The following NRXN1 variants were observed in gnomAD, a reference collection of about 807,000 sequenced individuals.
The protein encoded by NRXN1 is neurexin-1.
Under a neutral mutation model 150.9 loss-of-function variants are expected in NRXN1, and 39 were observed. The ratio of observed to expected loss-of-function variants is 0.26; its 90% confidence interval spans 0.20 to 0.34. The LOEUF (loss-of-function observed/expected upper bound fraction) is 0.34. NRXN1 is among the 10% of genes least tolerant of loss of function. NRXN1 has a pLI of 1.00. For missense variants in NRXN1, 1,815 were observed against 1,949.9 expected (o/e 0.93, Z 1.30); for synonymous variants, 924 against 757.0 (o/e 1.22, Z -3.62).
intron 19 of NRXN1, among the ~76,000 whole-genome samples, chr2:50,071,939 T>C (rs1180268126): frequency 9.9e-5 from 15 of 152,222 alleles, no homozygotes; most frequent in Non-Finnish European, 1.5e-5. Flanking sequence ...CTGCAAATTG[T>C]AATATTCTAC....
intron 5 of NRXN1, among the ~76,000 whole-genome samples, chr2:50,689,854 TTGTGTGTGTGTGTGTGTGTGTG>T (rs796892350): frequency 1.3e-4 from 17 of 135,290 alleles, no homozygotes; most frequent in African/African-American, 4.1e-4. Context: ...TTTTGCTTAT[TTGTGTGTGTGTGTGTGTGTGTG>T]TGTGTGTGTG....
intron 5 of NRXN1, among the ~76,000 whole-genome samples, chr2:50,647,947 C>T (rs1685063800): frequency 6.6e-6 from 1 of 151,758 alleles, no homozygotes; most frequent in Non-Finnish European, 1.5e-5. Flanking sequence ...CATATATACA[C>T]ACATACAAAT....
intron 9 of NRXN1, among the ~76,000 whole-genome samples, chr2:50,541,914 T>A (rs972315942): frequency 1.3e-5 from 2 of 152,154 alleles, no homozygotes; most frequent in African/African-American, 4.8e-5. Context: ...ATTTAAGGGT[T>A]ACTATCATAA....
intron 5 of NRXN1, among the ~76,000 whole-genome samples, chr2:50,874,869 T>C (rs1678338280): frequency 6.6e-6 from 1 of 151,834 alleles, no homozygotes; most frequent in South Asian, 2.1e-4. Flanking sequence ...TGGGAATTCC[T>C]GTCAAATGTA....
chr2:50,307,108 C>A (rs1019480992), intron 17 of NRXN1, among the ~76,000 whole-genome samples: 1 of 152,104 alleles, frequency 6.6e-6, no homozygotes, highest in Non-Finnish European at 1.5e-5. Context: ...CCTCAGCCTC[C>A]TGAGCATCTG....
chr2:50,391,504 C>A (rs2081697487), intron 17 of NRXN1, among the ~76,000 whole-genome samples: 1 of 152,054 alleles, frequency 6.6e-6, no homozygotes, highest in Non-Finnish European at 1.5e-5. Flanking sequence ...AAAAGCAACC[C>A]TCTTAAAATA....
At chr2:50,036,079 G>A (rs1172887786) in intron 21 of NRXN1, among the ~76,000 whole-genome samples, 2 of 152,154 alleles carry the variant, frequency 1.3e-5, no homozygotes, top group African/African-American at 4.8e-5. Context: ...AGTATGATAT[G>A]GCTTGGTTGT....
chr2:50,245,991 C>T lies in NRXN1; in HGVS notation c.3365-9021G>A, dbSNP rs569662420. ...TTATTTAGAAAAATAAATTATAATT[C>T]ACAAATCAAGGTCTCATTTCAATCA... is the stretch of plus-strand genomic sequence containing the variant. On this transcript the variant is annotated intron_variant, in intron 17 of 22. Coordinates refer to ENST00000401669, the MANE Select transcript of NRXN1 (RefSeq NM_001330078.2). 1.1e-4 allele frequency among the ~76,000 whole-genome samples: 17 copies of T among 151,796 alleles called. No homozygotes were observed. The East Asian group carries it at 3.3e-3, about 29-fold the overall frequency.
chr2:50,145,681 C>T (rs1707911754), intron 18 of NRXN1, among the ~76,000 whole-genome samples: 1 of 151,568 alleles, frequency 6.6e-6, no homozygotes, highest in African/African-American at 2.4e-5. Flanking sequence ...TGTGACAACT[C>T]CCATTCATCT....
chr2:50,213,842 G>A (rs1307636431), intron 18 of NRXN1, among the ~76,000 whole-genome samples: 2 of 151,772 alleles, frequency 1.3e-5, no homozygotes, highest in Admixed American at 6.6e-5. Flanking sequence ...TAAAAAGTGT[G>A]ACAAGCAGAG....
chr2:50,373,668 AAGAAAG>A (rs1309151925), intron 17 of NRXN1, among the ~76,000 whole-genome samples: 1 of 110,520 alleles, frequency 9.0e-6, no homozygotes, highest in Non-Finnish European at 1.8e-5. Context: ...GAAAGAAAGA[AAGAAAG>A]AAAGAAAAGA....
intron 18 of NRXN1, among the ~76,000 whole-genome samples, chr2:50,235,233 A>T (rs1187193041): frequency 6.6e-6 from 1 of 152,112 alleles, no homozygotes; most frequent in Non-Finnish European, 1.5e-5. Context: ...CTTACTCTAA[A>T]CAGCAAGATT....
chr2:50,929,755 C>T (rs1288202892), intron 2 of NRXN1, among the ~76,000 whole-genome samples: 1 of 152,090 alleles, frequency 6.6e-6, no homozygotes, highest in Non-Finnish European at 1.5e-5. Context: ...CAAGCCTGTA[C>T]TCCTCATTTT....
intron 12 of NRXN1, among the ~76,000 whole-genome samples, chr2:50,509,494 T>C (rs752319549): frequency 2.0e-5 from 3 of 152,138 alleles, no homozygotes; most frequent in Non-Finnish European, 4.4e-5. Context: ...AATCAGCAAT[T>C]TGCTAACACA....
In NRXN1 at chr2:50,547,298, A is replaced by AAAATAAAT. The variant is rs34901935; in HGVS notation, c.1759+5281_1759+5288dup. On this transcript the variant is annotated intron_variant, in intron 9 of 22. Transcript: ENST00000401669. Reference sequence around the variant, plus strand: ...ATTTCAATGTGTAATGATGGTTTACAAAATAAATAAATAAATAAATAAAAT... The same window carrying AAAATAAAT: ...ATTTCAATGTGTAATGATGGTTTACAAAATAAATAAATAAATAAATAAATAAATAAAAT... 6.7e-3 allele frequency among the ~76,000 whole-genome samples: 1,011 copies of AAAATAAAT among 151,026 alleles called. 11 individuals carry two copies. Among genetic ancestry groups the AAAATAAAT allele is most frequent in the African/African-American group, 0.023 (936 of 40,966 alleles).
chr2:50,141,260 A>G (rs1707233650), intron 18 of NRXN1, among the ~76,000 whole-genome samples: 1 of 152,094 alleles, frequency 6.6e-6, no homozygotes, highest in South Asian at 2.1e-4. Flanking sequence ...ATCTATATGC[A>G]GAAGAATTAC....
In NRXN1 at chr2:51,028,234, G is replaced by T. The variant is rs1670928980; in HGVS notation, c.40C>A (p.Leu14Met). ...ALLQRGGCFL[L>M]CLSLLLLGCW... is the part of the protein sequence containing the mutation. ...CCCAGGAGCAGCAGCGAGAGGCACA[G>T]AAGAAAACAGCCCCCGCGCTGGAGC... is the stretch of plus-strand genomic sequence containing the variant. The change falls in exon 2 of 23, where the codon CTG becomes ATG. Residue 14 changes from leucine to methionine, a missense_variant. This residue lies in a region of NRXN1 where 554 missense variants were observed against 478.8 expected (regional missense o/e 1.16). Coordinates refer to ENST00000401669, the MANE Select transcript of NRXN1 (RefSeq NM_001330078.2). The T allele has an allele frequency of 6.8e-7, 1 of 1,472,332 alleles. No homozygotes were observed. Among genetic ancestry groups the T allele is most frequent in the Non-Finnish European group, 8.9e-7 (1 of 1,119,420 alleles). 91.2% of individuals were successfully genotyped at this position (1,472,332 alleles called of 1,614,324 possible).
chr2:50,038,661 G>C (rs1327375273), intron 21 of NRXN1, among the ~76,000 whole-genome samples: 1 of 151,932 alleles, frequency 6.6e-6, no homozygotes, highest in Non-Finnish European at 1.5e-5. Flanking sequence ...GCCTAATTTG[G>C]GGATAATTTG....
chr2:50,197,923 C>T (rs927118932), intron 18 of NRXN1, among the ~76,000 whole-genome samples: 24 of 152,182 alleles, frequency 1.6e-4, no homozygotes, highest in Admixed American at 2.0e-4. Flanking sequence ...GTATTTGCCA[C>T]TCTTTTCCTT....
Sources: gnomAD v4.1 joint callset for allele counts (sites outside exome capture counted in the v4.1 genomes callset) on GRCh38, gnomAD v4.1.1 for gene constraint, gnomAD v4.1.1 regional missense constraint, MANE v1.5 for transcripts, NCBI Gene and HGNC (gene_info 2026-07-23, HGNC 2026-07-21) for gene names.